Variants in ATRNL1 observed in about 807,000 individuals in gnomAD.
The protein encoded by ATRNL1 is attractin-like protein 1.
ATRNL1 carries 95 observed loss-of-function variants against 182.7 expected under a neutral mutation model. The observed-to-expected ratio is 0.52, with a 90% CI of 0.44 to 0.62. The LOEUF (loss-of-function observed/expected upper bound fraction) is 0.62, where lower values mean the gene tolerates loss of function less well. ATRNL1 is among the 20% of genes least tolerant of loss of function. The pLI is 0.00. For missense variants in ATRNL1, 1,471 were observed against 1,679.5 expected, an observed-to-expected ratio of 0.88 and a Z score of 2.17; for synonymous variants, 576 against 568.3, an observed-to-expected ratio of 1.01 and a Z score of -0.19.
chr10:115,567,522 AG>A (rs1245838851), intron 26 of ATRNL1, among the ~76,000 whole-genome samples: 11 of 152,260 alleles, frequency 7.2e-5, no homozygotes, highest in Admixed American at 1.3e-4. Flanking sequence ...TGATTTAGCC[AG>A]GGATGGCATG....
intron 27 of ATRNL1, among the ~76,000 whole-genome samples, chr10:115,802,364 A>G (rs1026953043): frequency 2.6e-5 from 4 of 152,214 alleles, no homozygotes; most frequent in Non-Finnish European, 5.9e-5. Flanking sequence ...TCTATCATAT[A>G]GAATCCATAT....
intron 9 of ATRNL1, among the ~76,000 whole-genome samples, chr10:115,231,941 G>T (rs1554900114): frequency 6.6e-6 from 1 of 152,126 alleles, no homozygotes; most frequent in Non-Finnish European, 1.5e-5. Context: ...GGGAAGTGTA[G>T]TAGGATCCTT....
At chr10:115,907,658 G>A (rs2134510438) in intron 28 of ATRNL1, among the ~76,000 whole-genome samples, 1 of 152,112 alleles carries the variant, frequency 6.6e-6, no homozygotes, top group African/African-American at 2.4e-5. Context: ...AAGTAAGCAG[G>A]ATCATTGCAG....
intron 27 of ATRNL1, among the ~76,000 whole-genome samples, chr10:115,751,603 A>G (rs782296307): frequency 6.6e-6 from 1 of 152,040 alleles, no homozygotes; most frequent in Non-Finnish European, 1.5e-5. Flanking sequence ...TTTCAGCCCT[A>G]TTTGTAATAG....
intron 26 of ATRNL1, among the ~76,000 whole-genome samples, chr10:115,719,989 A>G (rs1812739589): frequency 6.6e-6 from 1 of 151,136 alleles, no homozygotes; most frequent in Admixed American, 6.6e-5. Flanking sequence ...CCTCCTGAGT[A>G]GCTGGGATTA....
intron 27 of ATRNL1, among the ~76,000 whole-genome samples, chr10:115,748,670 T>C (rs2960639): frequency 0.95 from 144,355 of 151,920 alleles, 68,996 homozygotes; most frequent in East Asian, 1. Context: ...CTCTAGAGCA[T>C]GACCAATGTT....
At chr10:115,391,371 G>A (rs1037134537) in intron 19 of ATRNL1, among the ~76,000 whole-genome samples, 2 of 152,184 alleles carry the variant, frequency 1.3e-5, no homozygotes, top group African/African-American at 4.8e-5. Flanking sequence ...TGACAATGCA[G>A]GGACTAGTCT....
intron 28 of ATRNL1, among the ~76,000 whole-genome samples, chr10:115,908,776 G>T (rs1555115148): frequency 6.6e-6 from 1 of 152,134 alleles, no homozygotes; most frequent in Non-Finnish European, 1.5e-5. Flanking sequence ...CTCTGCTCCT[G>T]CTACTGGTTC....
At chr10:115,382,259 C>A (rs1554951399) in intron 19 of ATRNL1, among the ~76,000 whole-genome samples, 1 of 152,098 alleles carries the variant, frequency 6.6e-6, no homozygotes, top group African/African-American at 2.4e-5. Context: ...GTAAGGATTA[C>A]ATGAAATCTA....
chr10:115,484,991 G>A (rs1442427859), intron 24 of ATRNL1, among the ~76,000 whole-genome samples: 6 of 151,868 alleles, frequency 4.0e-5, no homozygotes, highest in African/African-American at 1.4e-4. Flanking sequence ...GCGAAAATGA[G>A]TGTAAGCTAT....
chr10:115,923,526 G>C (rs1555119199), intron 28 of ATRNL1, among the ~76,000 whole-genome samples: 5 of 152,080 alleles, frequency 3.3e-5, no homozygotes, highest in Non-Finnish European at 4.4e-5. Flanking sequence ...TTCTGTTCCT[G>C]TGTTAGTTTG....
At chr10:115,427,604 A>G (rs937072340) in intron 21 of ATRNL1, among the ~76,000 whole-genome samples, 40 of 152,114 alleles carry the variant, frequency 2.6e-4, no homozygotes, top group African/African-American at 9.4e-4. Flanking sequence ...ATATTTGCAT[A>G]TATAGTAGGT....
intron 27 of ATRNL1, among the ~76,000 whole-genome samples, chr10:115,804,790 CAT>C (rs1380367909): frequency 6.6e-6 from 1 of 152,074 alleles, no homozygotes; most frequent in African/African-American, 2.4e-5. Context: ...AAGTAGGAAA[CAT>C]ATTAAGATCA....
chr10:115,495,598 G>A (rs987464844), intron 24 of ATRNL1, among the ~76,000 whole-genome samples: 1 of 152,038 alleles, frequency 6.6e-6, no homozygotes, highest in Non-Finnish European at 1.5e-5. Context: ...TCAGGAGTAG[G>A]CTGTTTAACT....
intron 27 of ATRNL1, among the ~76,000 whole-genome samples, chr10:115,833,056 AT>A (rs1555094265): frequency 6.6e-6 from 1 of 152,202 alleles, no homozygotes; most frequent in Non-Finnish European, 1.5e-5. Flanking sequence ...AGAAATTCAA[AT>A]AGCAAACTAA....
intron 8 of ATRNL1, among the ~76,000 whole-genome samples, chr10:115,186,248 A>C (rs1592228422): frequency 6.6e-6 from 1 of 151,662 alleles, no homozygotes; most frequent in Non-Finnish European, 1.5e-5. Context: ...GAGCCCTCAT[A>C]CATTATTGGT....
intron 27 of ATRNL1, among the ~76,000 whole-genome samples, chr10:115,832,790 C>A (rs931661118): frequency 1.3e-5 from 2 of 152,106 alleles, no homozygotes; most frequent in Non-Finnish European, 2.9e-5. Flanking sequence ...TGCTTCAAAG[C>A]CACCCCTTCT....
At chr10:115,157,272 G>A (rs1846565653) in intron 5 of ATRNL1, among the ~76,000 whole-genome samples, 1 of 152,036 alleles carries the variant, frequency 6.6e-6, no homozygotes, top group African/African-American at 2.4e-5. Flanking sequence ...ATGTCCTTAA[G>A]TGTAGATATT....
intron 21 of ATRNL1, among the ~76,000 whole-genome samples, chr10:115,444,643 G>A (rs1355283731): frequency 6.7e-6 from 1 of 149,292 alleles, no homozygotes; most frequent in Non-Finnish European, 1.5e-5. Context: ...TGTGTGAGTT[G>A]ATTTTTTTTT....
Sources: allele counts gnomAD v4.1 joint callset (sites outside exome capture counted in the v4.1 genomes callset), GRCh38; gene constraint gnomAD v4.1.1; transcripts MANE v1.5; gene names NCBI Gene and HGNC (gene_info 2026-07-23, HGNC 2026-07-21).